The following GPD1L variants were observed in gnomAD, a reference collection of about 807,000 sequenced individuals.
GPD1L encodes glycerol-3-phosphate dehydrogenase 1 like, also known as glycerol-3-phosphate dehydrogenase 1-like protein.
GPD1L carries 17 observed loss-of-function variants against 32.9 expected under a neutral mutation model. The observed-to-expected ratio is 0.52, with a 90% CI of 0.35 to 0.78. The LOEUF (loss-of-function observed/expected upper bound fraction) is 0.78. GPD1L is among the 30% of genes least tolerant of loss of function. The probability of loss-of-function intolerance (pLI) is 0.01; values close to 1 mark genes in which losing one functional copy is unlikely to be tolerated. For synonymous variants in GPD1L, 187 were observed against 165.9 expected, an observed-to-expected ratio of 1.13 and a Z score of -0.98; for missense variants, 361 against 447.8, an observed-to-expected ratio of 0.81 and a Z score of 1.75.
At chr3:32,114,518 C>CA (rs1330912881) in intron 1 of GPD1L, among the ~76,000 whole-genome samples, 2 of 152,188 alleles carry the variant, frequency 1.3e-5, no homozygotes, top group Non-Finnish European at 2.9e-5. Flanking sequence ...TTCACAGTAA[C>CA]AAATGTTACT....
rs1701176401 is a variant in GPD1L, at chr3:32,168,233, TCTA to T, written c.*2327_*2329del. 1 of 152,652 alleles carries T rather than the reference TCTA, an allele frequency of 6.6e-6. No individual in the cohort carries two copies. Among genetic ancestry groups the T allele is most frequent in the Non-Finnish European group, 1.5e-5 (1 of 68,046 alleles). The allele number at this position is 152,652 out of a possible 1,614,324, so 9.5% of individuals were successfully genotyped here. On this transcript the variant is annotated 3_prime_UTR_variant, in exon 8 of 8. Transcript: ENST00000282541. The stretch of plus-strand genomic sequence containing the variant: ...AAAGGTAAATTTTAGAAGTTTCTGC[TCTA>T]CTAACTGTAGATATTTATGACTCTG...
At chr3:32,145,387 A>G (rs1260880276) in intron 4 of GPD1L, among the ~76,000 whole-genome samples, 1 of 152,168 alleles carries the variant, frequency 6.6e-6, no homozygotes, top group East Asian at 1.9e-4. Context: ...GGTACCTTTG[A>G]GAAAATATGA....
At chr3:32,120,328 AAAAC>A (rs1001365034) in intron 1 of GPD1L, among the ~76,000 whole-genome samples, 7 of 152,014 alleles carry the variant, frequency 4.6e-5, no homozygotes, top group South Asian at 2.1e-4. Flanking sequence ...AAAAAAACAA[AAAAC>A]AAACAAACAA....
intron 4 of GPD1L, among the ~76,000 whole-genome samples, chr3:32,140,879 C>A (rs1315066668): frequency 6.6e-6 from 1 of 152,142 alleles, no homozygotes; most frequent in African/African-American, 2.4e-5. Flanking sequence ...AAATTTGAGT[C>A]TTCTGTTTCC....
chr3:32,133,397 A>C (rs1700614649), intron 2 of GPD1L, among the ~76,000 whole-genome samples: 1 of 152,200 alleles, frequency 6.6e-6, no homozygotes, highest in Non-Finnish European at 1.5e-5. Flanking sequence ...CATGGATTTT[A>C]GGGGGAAAAG....
chr3:32,146,567 G>C (rs1700829351), intron 4 of GPD1L, 55 bp from the exon 5 acceptor site: 1 of 971,980 alleles, frequency 1.0e-6, no homozygotes, highest in Admixed American at 1.7e-5. Flanking sequence ...TATTAGGTGT[G>C]AAAATTAAGA....
chr3:32,110,383 C>G (rs1037966994), intron 1 of GPD1L, among the ~76,000 whole-genome samples: 1 of 152,206 alleles, frequency 6.6e-6, no homozygotes. Context: ...ACCTACCCTT[C>G]CAGATCTGGT....
chr3:32,125,161 C>G (rs950701735), intron 1 of GPD1L, among the ~76,000 whole-genome samples: 99 of 152,272 alleles, frequency 6.5e-4, no homozygotes, highest in African/African-American at 2.2e-3. Context: ...CTACCGCAGC[C>G]CCCAATCCCT....
chr3:32,110,143 C>T (rs1331384722), intron 1 of GPD1L, among the ~76,000 whole-genome samples: 1 of 152,264 alleles, frequency 6.6e-6, no homozygotes, highest in Non-Finnish European at 1.5e-5. Flanking sequence ...TGGTCTCAAT[C>T]TCCTGACGTC....
chr3:32,124,382 G>T (rs571219068), intron 1 of GPD1L, among the ~76,000 whole-genome samples: 181 of 152,278 alleles, frequency 1.2e-3, no homozygotes, highest in Non-Finnish European at 1.7e-3. Flanking sequence ...TTAGAACAGG[G>T]TGTGCCACTT....
At chr3:32,153,533 T>C (rs548326576) in intron 5 of GPD1L, among the ~76,000 whole-genome samples, 154 of 152,340 alleles carry the variant, frequency 1.0e-3, no homozygotes, top group African/African-American at 3.6e-3. Context: ...AGTGTGGGCC[T>C]GCCTCAGCCT....
rs1388260520 is a variant in GPD1L, at chr3:32,168,049, G to T, written c.*2139G>T. On this transcript the variant is annotated 3_prime_UTR_variant, in exon 8 of 8. Coordinates refer to ENST00000282541, the MANE Select transcript of GPD1L (RefSeq NM_015141.4). ...GTAGCATAATGAGATGTGAGGAGTT[G>T]GAACTTTGCGTGTTTTGCGTATTTT... The T allele has an allele frequency of 6.6e-6, 1 of 152,132 alleles. No homozygotes were observed. Among genetic ancestry groups the T allele is most frequent in the East Asian group, 1.9e-4 (1 of 5,194 alleles). The allele number at this position is 152,132 out of a possible 1,614,324, so 9.4% of individuals were successfully genotyped here. A position where few individuals can be genotyped will look rare whatever the true frequency, so the allele number is the denominator to read the frequency against.
chr3:32,165,962 T>G lies in GPD1L; in HGVS notation c.*52T>G, dbSNP rs1701141167. 1 of 972,686 alleles carries G rather than the reference T, an allele frequency of 1.0e-6. No homozygotes were observed. Among genetic ancestry groups the G allele is most frequent in the South Asian group, 1.3e-5 (1 of 77,772 alleles). 60.3% of individuals were successfully genotyped at this position (972,686 alleles called of 1,614,324 possible). A position where few individuals can be genotyped will look rare whatever the true frequency, so the allele number is the denominator to read the frequency against. ...AGTTCTGCCTTTCTGATCAATCTTT[T>G]GGGTTCACGTGGAAACCAGGACTTG... On this transcript the variant is annotated 3_prime_UTR_variant, in exon 8 of 8. Coordinates refer to ENST00000282541, the MANE Select transcript of GPD1L (RefSeq NM_015141.4).
chr3:32,146,172 C>T (rs780140498), intron 4 of GPD1L, among the ~76,000 whole-genome samples: 3 of 151,178 alleles, frequency 2.0e-5, no homozygotes, highest in African/African-American at 7.3e-5. Context: ...CTACAGCCTC[C>T]ACCTCCTGGG....
intron 1 of GPD1L, among the ~76,000 whole-genome samples, chr3:32,108,407 T>G (rs1237875333): frequency 6.6e-6 from 1 of 152,118 alleles, no homozygotes; most frequent in African/African-American, 2.4e-5. Flanking sequence ...CTTGGGATGC[T>G]AAGGCAGCAG....
chr3:32,147,392 A>C (rs1468460182), intron 5 of GPD1L, among the ~76,000 whole-genome samples: 1 of 152,206 alleles, frequency 6.6e-6, no homozygotes, highest in Non-Finnish European at 1.5e-5. Flanking sequence ...TACAAAAATC[A>C]TAAGTATGTA....
Position 32,158,949 on chromosome 3 carries a change from G to T in GPD1L, c.692G>T (p.Arg231Leu). 1 of 1,614,116 alleles carries T rather than the reference G, an allele frequency of 6.2e-7. No homozygotes were observed. The highest frequency in any genetic ancestry group is 8.5e-7 in the Non-Finnish European group (1 of 1,180,028). The change falls in exon 6 of 8, where the codon CGC (arginine) becomes CTC (leucine). Residue 231 changes from arginine (R) to leucine (L), a missense_variant. By Grantham distance (102) the Arg-to-Leu change is moderately radical. Transcript: ENST00000282541. ...GACAACACCAAAGCGGCCGTCATCC[G>T]CCTGGGACTCATGGAAATGATTGCT... is the stretch of plus-strand genomic sequence containing the variant. ...CGDNTKAAVIRLGLMEMIAFA... is the reference protein window; with the variant it reads ...CGDNTKAAVILLGLMEMIAFA...
At chr3:32,144,468 A>G (rs977563023) in intron 4 of GPD1L, among the ~76,000 whole-genome samples, 2 of 152,238 alleles carry the variant, frequency 1.3e-5, no homozygotes, top group Non-Finnish European at 1.5e-5. Flanking sequence ...ACAAACACAT[A>G]TGGAATCACA....
In GPD1L at chr3:32,106,908, C is replaced by G; in HGVS notation, c.47+150C>G. 1.6e-6 allele frequency: 1 copy of G among 644,894 alleles called. No individual in the cohort carries two copies. The highest frequency in any genetic ancestry group is 2.2e-6 in the Non-Finnish European group (1 of 448,890). 39.9% of individuals were successfully genotyped at this position (644,894 alleles called of 1,614,324 possible). On this transcript the variant is annotated intron_variant, in intron 1 of 7. Coordinates refer to ENST00000282541, the MANE Select transcript of GPD1L (RefSeq NM_015141.4). The surrounding 1 kb of genome is among the most constrained non-coding windows in gnomAD (Gnocchi z 4.0). ...GCGACCTCGTTGCTGGGCTGGGCAC[C>G]GTGCGCCCGAGGAGGCCGCACCGGG...
Sources: allele counts gnomAD v4.1 joint callset (sites outside exome capture counted in the v4.1 genomes callset), GRCh38; gene constraint gnomAD v4.1.1; non-coding constraint Gnocchi (gnomAD v3.1); transcripts MANE v1.5; gene names NCBI Gene and HGNC (gene_info 2026-07-23, HGNC 2026-07-21).